The following CLASP2 variants were observed in gnomAD, a reference collection of about 807,000 sequenced individuals.
The protein encoded by CLASP2 is cytoplasmic linker associated protein 2.
In CLASP2, 47 loss-of-function variants were observed where a neutral mutation model predicts 194.4. The ratio of observed to expected loss-of-function variants is 0.24; its 90% CI spans 0.19 to 0.31. The LOEUF is 0.31. CLASP2 is among the 10% of genes least tolerant of loss of function. The pLI is 1.00. For synonymous variants in CLASP2, 619 were observed against 633.5 expected (o/e 0.98, Z 0.34); for missense variants, 1,445 against 1,823.6 (o/e 0.79, Z 3.78).
chr3:33,557,241 T>G (rs1446406458), intron 29 of CLASP2, among the ~76,000 whole-genome samples: 1 of 152,232 alleles, frequency 6.6e-6, no homozygotes, highest in Non-Finnish European at 1.5e-5. Context: ...CCCAAAGTGC[T>G]GGGATTACAG....
chr3:33,574,531 A>G, intron 24 of CLASP2: 2 of 1,364,622 alleles, frequency 1.5e-6, no homozygotes, highest in South Asian at 1.3e-5. Flanking sequence ...GAAAAATTGA[A>G]AATAATGAAG....
intron 21 of CLASP2, 122 bp from the exon 22 acceptor site, chr3:33,585,042 G>A (rs1246823486): frequency 9.1e-6 from 7 of 766,452 alleles, no homozygotes; most frequent in Admixed American, 3.4e-5. Flanking sequence ...CAGGTTCTAC[G>A]CTCAAAGGAA....
chr3:33,520,190 G>C (rs1212670596), intron 34 of CLASP2, among the ~76,000 whole-genome samples: 1 of 150,774 alleles, frequency 6.6e-6, no homozygotes, highest in Non-Finnish European at 1.5e-5. Context: ...ATTTTTGTTA[G>C]AGATGGGGTT....
chr3:33,717,957 T>G lies in CLASP2; in HGVS notation c.46A>C (p.Lys16Gln), dbSNP rs1000699389. The change falls in exon 1 of 39, where the codon AAG (lysine) becomes CAG (glutamine). Residue 16 changes from lysine (K) to glutamine (Q), a missense_variant. Coordinates refer to ENST00000682230, the MANE Select transcript of CLASP2 (RefSeq NM_001365631.1). The stretch of plus-strand genomic sequence containing the variant: ...ACCTGCAGCCGGCCGCCGACGTCCT[T>G]CTGCTGCACCTGGGCGCAGAAGTAC... ...MEYFCAQVQQ[K>Q]DVGGRLQVGQ... The G allele has an allele frequency of 4.5e-6, 7 of 1,544,268 alleles. No individual in the cohort carries two copies. The African/African-American group carries it at 6.9e-5, about 15-fold the overall frequency.
chr3:33,614,762 A>G (rs1268114714), intron 12 of CLASP2, among the ~76,000 whole-genome samples: 1 of 152,150 alleles, frequency 6.6e-6, no homozygotes, highest in Non-Finnish European at 1.5e-5. Flanking sequence ...CTGGGATTAC[A>G]GGAGTGAGCC....
intron 18 of CLASP2, 105 bp downstream of exon 18, chr3:33,602,847 T>TC (rs1560255956): frequency 8.7e-6 from 10 of 1,152,602 alleles, no homozygotes; most frequent in Non-Finnish European, 1.1e-5. Flanking sequence ...ATATGGACTA[T>TC]CCTTAAATAA....
At chr3:33,629,125 C>T (rs2078593170) in intron 9 of CLASP2, among the ~76,000 whole-genome samples, 1 of 151,964 alleles carries the variant, frequency 6.6e-6, no homozygotes. Flanking sequence ...AAGTGAGTAA[C>T]AAGTTAAGTT....
At chr3:33,552,693 C>A (rs2060231349) in intron 29 of CLASP2, among the ~76,000 whole-genome samples, 1 of 152,104 alleles carries the variant, frequency 6.6e-6, no homozygotes, top group Non-Finnish European at 1.5e-5. Context: ...GTTTCAGTCA[C>A]CCCTTTTCTG....
intron 7 of CLASP2, among the ~76,000 whole-genome samples, chr3:33,650,250 A>C (rs2082954788): frequency 6.6e-6 from 1 of 152,232 alleles, no homozygotes; most frequent in Non-Finnish European, 1.5e-5. Context: ...TAGCTTAGAC[A>C]CAACTCAAGG....
intron 34 of CLASP2, among the ~76,000 whole-genome samples, chr3:33,525,850 C>T (rs2054394157): frequency 6.6e-6 from 1 of 152,228 alleles, no homozygotes; most frequent in Non-Finnish European, 1.5e-5. Context: ...CAGCACCTCA[C>T]AAGATAAGAC....
At chr3:33,584,711 G>A in intron 22 of CLASP2, 39 bp downstream of exon 22, 1 of 1,486,670 alleles carries the variant, frequency 6.7e-7, no homozygotes. Context: ...AAAAAAAAAG[G>A]GTTACATGTC....
At chr3:33,622,011 A>C (rs1290587104) in intron 11 of CLASP2, 124 bp downstream of exon 11, 1 of 686,900 alleles carries the variant, frequency 1.5e-6, no homozygotes, top group Admixed American at 4.0e-5. Flanking sequence ...TATGTATAAT[A>C]AAAATGATTT....
Position 33,689,429 on chromosome 3 carries a change from T to C in CLASP2, c.378+400A>G, listed in dbSNP as rs1267548008. 3.3e-5 allele frequency among the ~76,000 whole-genome samples: 5 copies of C among 151,614 alleles called. No individual in the cohort carries two copies. In the East Asian group the frequency reaches 5.8e-4, roughly 18 times the overall value. ...GAAATATAAAATATTTGGGAAAACA[T>C]AGTAACCACCTGTGAAAAAATTTTC... On this transcript the variant is annotated intron_variant, in intron 3 of 38. Transcript: ENST00000682230.
chr3:33,578,368 TAA>T (rs979417874), intron 23 of CLASP2, among the ~76,000 whole-genome samples: 2 of 152,224 alleles, frequency 1.3e-5, no homozygotes, highest in African/African-American at 2.4e-5. Flanking sequence ...CATAACACCA[TAA>T]AGTTAACTTT....
chr3:33,592,655 ATTT>A (rs750897387), intron 20 of CLASP2, 159 bp from the exon 21 acceptor site: 3 of 639,582 alleles, frequency 4.7e-6, no homozygotes, highest in East Asian at 6.0e-5. Flanking sequence ...ATAAACAGTA[ATTT>A]TTTTTTTACG....
chr3:33,503,556 T>C (rs1024357324), intron 37 of CLASP2: 1 of 151,922 alleles, frequency 6.6e-6, no homozygotes, highest in African/African-American at 2.4e-5. Flanking sequence ...GTCTCCCACA[T>C]AGCTGCGATT....
intron 2 of CLASP2, among the ~76,000 whole-genome samples, chr3:33,695,494 T>C (rs2091795351): frequency 1.3e-5 from 2 of 152,032 alleles, no homozygotes; most frequent in South Asian, 4.1e-4. Flanking sequence ...CCCCATCAGA[T>C]GCTTCTGTTG....
chr3:33,601,508 C>CA (rs2072205120), intron 18 of CLASP2, among the ~76,000 whole-genome samples: 1 of 152,116 alleles, frequency 6.6e-6, no homozygotes, highest in South Asian at 2.1e-4. Flanking sequence ...TACTATGTGG[C>CA]AAAATATTTT....
chr3:33,568,922 C>T (rs1030178209), intron 26 of CLASP2, among the ~76,000 whole-genome samples: 2 of 152,216 alleles, frequency 1.3e-5, no homozygotes, highest in Admixed American at 6.5e-5. Flanking sequence ...ATTTTTAACT[C>T]GGCACAGGAT....
Sources: allele counts gnomAD v4.1 joint callset (sites outside exome capture counted in the v4.1 genomes callset), GRCh38; gene constraint gnomAD v4.1.1; transcripts MANE v1.5; gene names NCBI Gene and HGNC (gene_info 2026-07-23, HGNC 2026-07-21).